Variants in AUTS2 observed in about 807,000 individuals in gnomAD.
AUTS2 encodes the protein activator of transcription and developmental regulator AUTS2.
In AUTS2, 17 loss-of-function variants were observed where a neutral mutation model predicts 112.4. That is an observed-to-expected ratio of 0.15 (90% CI 0.10 to 0.23). AUTS2 has a LOEUF of 0.23. AUTS2 is among the 10% of genes least tolerant of loss of function. The pLI is 1.00. For missense variants in AUTS2, 1,510 were observed against 1,701.6 expected (o/e 0.89, Z 1.98); for synonymous variants, 751 against 702.7 (o/e 1.07, Z -1.09).
intron 2 of AUTS2, among the ~76,000 whole-genome samples, chr7:69,946,586 A>G (rs200032514): frequency 1.7e-5 from 2 of 117,422 alleles, no homozygotes; most frequent in South Asian, 5.5e-4. Flanking sequence ...ACACACACAC[A>G]CACACACACA....
At chr7:69,978,906 A>ACACACACG (rs1798177901) in intron 2 of AUTS2, among the ~76,000 whole-genome samples, 1 of 150,484 alleles carries the variant, frequency 6.6e-6, no homozygotes, top group African/African-American at 2.4e-5. Context: ...ACACACGCAC[A>ACACACACG]CACGCACACA....
At chr7:70,258,159 C>G in intron 4 of AUTS2, among the ~76,000 whole-genome samples, 1 of 152,172 alleles carries the variant, frequency 6.6e-6, no homozygotes, top group East Asian at 1.9e-4. Context: ...ACAGGTTACT[C>G]GCTACTTGTT....
chr7:69,607,463 T>C (rs967864321), intron 1 of AUTS2, among the ~76,000 whole-genome samples: 2 of 152,238 alleles, frequency 1.3e-5, no homozygotes, highest in Non-Finnish European at 2.9e-5. Flanking sequence ...CAAAAATTTT[T>C]AAATTTCATT....
chr7:70,768,877 C>CTTTTTTTTTT lies in AUTS2; in HGVS notation c.1734+816_1734+825dup, dbSNP rs66614263. ...TTGCAAGTTTCTTTGCCAGTGATTTCTTTTTTTTTTTTTTTTAATGAAACC... is the reference window on the plus strand; with the variant it reads ...TTGCAAGTTTCTTTGCCAGTGATTTCTTTTTTTTTTTTTTTTTTTTTTTTTTAATGAAACC... On this transcript the variant is annotated intron_variant, in intron 10 of 18. Coordinates refer to ENST00000342771, the MANE Select transcript of AUTS2 (RefSeq NM_015570.4). Among the ~76,000 whole-genome samples the CTTTTTTTTTT allele has an allele frequency of 5.0e-4, 54 of 108,200 alleles. 2 individuals are homozygous for CTTTTTTTTTT. The highest frequency in any genetic ancestry group is 1.4e-3 in the African/African-American group (39 of 28,314). The allele number at this position is 108,200 out of a possible 152,430, so 71.0% of individuals were successfully genotyped here.
chr7:70,281,578 G>T (rs1788215348), intron 4 of AUTS2, among the ~76,000 whole-genome samples: 1 of 152,088 alleles, frequency 6.6e-6, no homozygotes, highest in Admixed American at 6.5e-5. Context: ...GAAGACCTGG[G>T]TTCAAACATT....
intron 10 of AUTS2, among the ~76,000 whole-genome samples, chr7:70,770,822 A>G (rs1477863156): frequency 6.6e-6 from 1 of 152,248 alleles, no homozygotes; most frequent in African/African-American, 2.4e-5. Context: ...TGAGACTTAA[A>G]CAAGAGCAAC....
chr7:70,159,350 G>A (rs1033461977), intron 4 of AUTS2, among the ~76,000 whole-genome samples: 2 of 152,180 alleles, frequency 1.3e-5, no homozygotes, highest in Admixed American at 6.5e-5. Flanking sequence ...GAAACGCAGT[G>A]TGAAATACAT....
At chr7:70,783,529 A>G (rs1311810374) in intron 15 of AUTS2, 2 of 152,234 alleles carry the variant, frequency 1.3e-5, no homozygotes, top group Non-Finnish European at 2.9e-5. Context: ...ATATTTGTTT[A>G]TAGGAACTTA....
intron 5 of AUTS2, among the ~76,000 whole-genome samples, chr7:70,474,533 A>G (rs992540126): frequency 1.3e-5 from 2 of 152,198 alleles, no homozygotes; most frequent in African/African-American, 4.8e-5. Context: ...GGAAGTCTTT[A>G]TTGTACCAGT....
intron 8 of AUTS2, 141 bp downstream of exon 8, chr7:70,765,146 C>G (rs1337246642): frequency 7.5e-6 from 9 of 1,197,166 alleles, no homozygotes; most frequent in East Asian, 2.6e-5. Flanking sequence ...CTCAAACGCT[C>G]TCTGGCCTGA....
At chr7:69,858,046 A>G (rs977041147) in intron 1 of AUTS2, among the ~76,000 whole-genome samples, 3 of 152,090 alleles carry the variant, frequency 2.0e-5, no homozygotes, top group Admixed American at 2.0e-4. Context: ...GAGTCTGATG[A>G]GCCGTGCTCT....
chr7:70,396,420 AG>A (rs758560979), intron 4 of AUTS2, among the ~76,000 whole-genome samples: 3 of 150,336 alleles, frequency 2.0e-5, no homozygotes, highest in Admixed American at 1.3e-4. Context: ...TCTGTCACCC[AG>A]GCTGGAGTAC....
At chr7:69,649,381 C>T (rs1795185343) in intron 1 of AUTS2, among the ~76,000 whole-genome samples, 1 of 152,192 alleles carries the variant, frequency 6.6e-6, no homozygotes, top group South Asian at 2.1e-4. Flanking sequence ...TTGCCTGTTA[C>T]ATACAGCTTT....
At chr7:69,863,106 CAT>C in intron 1 of AUTS2, among the ~76,000 whole-genome samples, 1 of 152,218 alleles carries the variant, frequency 6.6e-6, no homozygotes, top group East Asian at 1.9e-4. Context: ...CTTACATACA[CAT>C]ATGTGTATAT....
chr7:70,088,303 A>G (rs897738220), intron 2 of AUTS2, among the ~76,000 whole-genome samples: 7 of 150,732 alleles, frequency 4.6e-5, no homozygotes, highest in Non-Finnish European at 1.0e-4. Flanking sequence ...TTGTTTTTGT[A>G]TTTTTAGTAG....
At chr7:70,781,799 G>A (rs1240836001) in intron 15 of AUTS2, 43 bp downstream of exon 15, 1 of 1,593,204 alleles carries the variant, frequency 6.3e-7, no homozygotes, top group South Asian at 1.1e-5. Context: ...GAGAAATGTA[G>A]TTCTCAGGTA....
intron 5 of AUTS2, among the ~76,000 whole-genome samples, chr7:70,441,506 C>T (rs1426056385): frequency 6.6e-6 from 1 of 152,188 alleles, no homozygotes; most frequent in African/African-American, 2.4e-5. Context: ...CCACCTCAGC[C>T]TCCCAAGTAG....
In AUTS2 at chr7:70,678,137, C is replaced by T. The variant is rs540621130; in HGVS notation, c.691-20432C>T. Among the ~76,000 whole-genome samples the T allele has an allele frequency of 1.3e-4, 20 of 152,224 alleles. No individual in the cohort carries two copies. In the East Asian group the frequency reaches 3.3e-3, roughly 25 times the overall value. On this transcript the variant is annotated intron_variant, in intron 5 of 18. Transcript: ENST00000342771. ...ATTTTAGTAGGTTCTACCTTCCCCACGTGTAGTTGTCCTCTCTCCCTCCTA... is the reference window on the plus strand; with the variant it reads ...ATTTTAGTAGGTTCTACCTTCCCCATGTGTAGTTGTCCTCTCTCCCTCCTA...
intron 4 of AUTS2, among the ~76,000 whole-genome samples, chr7:70,295,676 T>G (rs1788900875): frequency 6.6e-6 from 1 of 152,208 alleles, no homozygotes; most frequent in East Asian, 1.9e-4. Context: ...TCACTACCCA[T>G]TCATAGGCAG....
Sources: allele counts gnomAD v4.1 joint callset (sites outside exome capture counted in the v4.1 genomes callset), GRCh38; gene constraint gnomAD v4.1.1; transcripts MANE v1.5; gene names NCBI Gene and HGNC (gene_info 2026-07-23, HGNC 2026-07-21).